Variants in PPIP5K2 observed in about 807,000 individuals in gnomAD.
PPIP5K2 encodes the protein inositol hexakisphosphate and diphosphoinositol-pentakisphosphate kinase 2.
PPIP5K2 carries 105 observed loss-of-function variants against 154.6 expected under a neutral mutation model. That is an observed-to-expected ratio of 0.68 (90% CI 0.58 to 0.80). The LOEUF is 0.80. Among genes scored for constraint, PPIP5K2 ranks in the 30% least tolerant of loss-of-function variants. The pLI is 0.00. For synonymous variants in PPIP5K2, 480 were observed against 490.3 expected, an observed-to-expected ratio of 0.98 and a Z score of 0.28; for missense variants, 992 against 1,504.6, an observed-to-expected ratio of 0.66 and a Z score of 5.64.
At chr5:103,170,157 G>T (rs782751888) in intron 19 of PPIP5K2, among the ~76,000 whole-genome samples, 1 of 151,486 alleles carries the variant, frequency 6.6e-6, no homozygotes, top group Non-Finnish European at 1.5e-5. Flanking sequence ...TCCTTACATG[G>T]TGTATGTATT....
At chr5:103,189,281 G>C in intron 28 of PPIP5K2, 1 of 1,338,638 alleles carries the variant, frequency 7.5e-7, no homozygotes, top group South Asian at 1.3e-5. Context: ...AAATTGCTGC[G>C]CTAACCCTTT....
intron 21 of PPIP5K2, chr5:103,176,782 T>G: frequency 1.3e-6 from 1 of 772,228 alleles, no homozygotes; most frequent in East Asian, 2.9e-5. Flanking sequence ...CCTTTTCAGA[T>G]AGAATTTTCT....
Position 103,165,368 on chromosome 5 carries a change from C to CTT in PPIP5K2, c.1921-1809_1921-1808dup, listed in dbSNP as rs1288169062. 8.6e-4 allele frequency among the ~76,000 whole-genome samples: 131 copies of CTT among 152,130 alleles called. 1 individual carries two copies. Among genetic ancestry groups the CTT allele is most frequent in the African/African-American group, 2.9e-3 (122 of 41,542 alleles). ...AACTTAACTACCAAGTTAAGCCTAC[C>CTT]TTTGACTGGAAGCCTTAGCAATAAT... is the stretch of plus-strand genomic sequence containing the variant. On this transcript the variant is annotated intron_variant, in intron 17 of 30. Transcript: ENST00000358359.
chr5:103,196,022 A>G (rs1243797829), intron 30 of PPIP5K2, among the ~76,000 whole-genome samples: 2 of 152,178 alleles, frequency 1.3e-5, no homozygotes, highest in African/African-American at 2.4e-5. Flanking sequence ...GTCAGAAATG[A>G]TTGCAATCTT....
At chr5:103,178,093 C>T in intron 23 of PPIP5K2, 113 bp downstream of exon 23, 1 of 742,478 alleles carries the variant, frequency 1.3e-6, no homozygotes, top group Non-Finnish European at 2.2e-6. Context: ...AACTTCTAAG[C>T]AGGAAAATGG....
chr5:103,174,081 T>A, intron 21 of PPIP5K2, 109 bp downstream of exon 21: 1 of 829,140 alleles, frequency 1.2e-6, no homozygotes, highest in Non-Finnish European at 1.8e-6. Flanking sequence ...TAAGTTTTAC[T>A]ACTTAATGTC....
At chr5:103,187,278 T>C in intron 27 of PPIP5K2, 36 bp from the exon 28 acceptor site, 1 of 1,488,558 alleles carries the variant, frequency 6.7e-7, no homozygotes, top group Middle Eastern at 1.7e-4. Flanking sequence ...TTTGTAGCTG[T>C]TACGAATTTC....
At chr5:103,132,277 C>T (rs1291050785) in intron 2 of PPIP5K2, among the ~76,000 whole-genome samples, 1 of 152,172 alleles carries the variant, frequency 6.6e-6, no homozygotes, top group Non-Finnish European at 1.5e-5. Flanking sequence ...CGTGGTAGCT[C>T]ACGCCTGTAA....
intron 23 of PPIP5K2, among the ~76,000 whole-genome samples, chr5:103,178,621 A>G (rs1472044432): frequency 6.6e-6 from 1 of 151,346 alleles, no homozygotes; most frequent in African/African-American, 2.4e-5. Flanking sequence ...TATTCTAAAG[A>G]CTCTTTGAGA....
At chr5:103,190,457 G>A (rs1278515860) in intron 28 of PPIP5K2, among the ~76,000 whole-genome samples, 2 of 151,888 alleles carry the variant, frequency 1.3e-5, no homozygotes, top group Non-Finnish European at 1.5e-5. Context: ...TAGCGTCCTG[G>A]CATCAGGGAT....
chr5:103,158,612 A>G (rs782096495), intron 16 of PPIP5K2, 39 bp downstream of exon 16: 2 of 1,498,752 alleles, frequency 1.3e-6, no homozygotes, highest in Non-Finnish European at 1.8e-6. Flanking sequence ...AGAGTTTTTA[A>G]TCTAATATTG....
chr5:103,183,087 TAAAA>T, intron 24 of PPIP5K2, 143 bp from the exon 25 acceptor site: 4 of 769,930 alleles, frequency 5.2e-6, no homozygotes, highest in Non-Finnish European at 7.2e-6. Context: ...AATGGTTTTT[TAAAA>T]AAATTAATAA....
intron 21 of PPIP5K2, among the ~76,000 whole-genome samples, chr5:103,177,249 G>C (rs1376891350): frequency 6.6e-6 from 1 of 151,856 alleles, no homozygotes; most frequent in South Asian, 2.1e-4. Flanking sequence ...CTTATCTGAA[G>C]TGCTTGAGAC....
At chr5:103,180,985 T>G (rs566523066) in intron 24 of PPIP5K2, among the ~76,000 whole-genome samples, 1 of 152,102 alleles carries the variant, frequency 6.6e-6, no homozygotes, top group Admixed American at 6.5e-5. Flanking sequence ...TTTGAATGTT[T>G]GATAATATAA....
At chr5:103,144,940 C>T (rs1323063539) in intron 5 of PPIP5K2, among the ~76,000 whole-genome samples, 5 of 151,918 alleles carry the variant, frequency 3.3e-5, no homozygotes, top group African/African-American at 9.7e-5. Flanking sequence ...AAAACTTCTG[C>T]ACAGCAAAGG....
At chr5:103,160,080 T>A (rs1432001059) in intron 17 of PPIP5K2, among the ~76,000 whole-genome samples, 3 of 152,204 alleles carry the variant, frequency 2.0e-5, no homozygotes, top group Non-Finnish European at 4.4e-5. Context: ...TCATCCATGT[T>A]GTTGCTAATG....
intron 9 of PPIP5K2, 129 bp downstream of exon 9, chr5:103,151,503 C>T (rs1223252140): frequency 1.4e-6 from 1 of 698,410 alleles, no homozygotes; most frequent in Non-Finnish European, 2.3e-6. Flanking sequence ...AAAATGATAC[C>T]CCCAGAGACT....
At chr5:103,195,468 G>GA (rs1554228229) in intron 30 of PPIP5K2, among the ~76,000 whole-genome samples, 1 of 151,586 alleles carries the variant, frequency 6.6e-6, no homozygotes, top group Non-Finnish European at 1.5e-5. Flanking sequence ...ATTAAAAAAA[G>GA]AAAAAAAATT....
chr5:103,187,408 C>T (rs1554225529), intron 28 of PPIP5K2, 32 bp downstream of exon 28: 3 of 1,440,220 alleles, frequency 2.1e-6, no homozygotes, highest in Non-Finnish European at 1.9e-6. Context: ...AAAGATACTC[C>T]CCTGCTTCAT....
Sources: allele counts gnomAD v4.1 joint callset (sites outside exome capture counted in the v4.1 genomes callset), GRCh38; gene constraint gnomAD v4.1.1; transcripts MANE v1.5; gene names NCBI Gene and HGNC (gene_info 2026-07-23, HGNC 2026-07-21).